The following CALN1 variants were observed in gnomAD, a reference collection of about 807,000 sequenced individuals.
CALN1 encodes the protein calneuron 1.
Under a neutral mutation model 30.6 loss-of-function variants are expected in CALN1, and 17 were observed. That is an observed-to-expected ratio of 0.56 (90% CI 0.38 to 0.83). The LOEUF is 0.83. CALN1 is among the 40% of genes least tolerant of loss of function. The probability of loss-of-function intolerance (pLI) is 0.00; values close to 1 mark genes in which losing one functional copy is unlikely to be tolerated. For missense variants in CALN1, 291 were observed against 354.9 expected, an observed-to-expected ratio of 0.82 and a Z score of 1.45; for synonymous variants, 156 against 131.4, an observed-to-expected ratio of 1.19 and a Z score of -1.28.
intron 4 of CALN1, among the ~76,000 whole-genome samples, chr7:72,064,372 G>A (rs376629683): frequency 8.5e-5 from 13 of 152,120 alleles, no homozygotes; most frequent in African/African-American, 2.9e-4. Context: ...CCCTCAAGGT[G>A]CAAGTGAACT....
chr7:72,072,268 G>C (rs1309649893), intron 4 of CALN1, among the ~76,000 whole-genome samples: 1 of 152,174 alleles, frequency 6.6e-6, no homozygotes, highest in East Asian at 1.9e-4. Flanking sequence ...AAAGTGGTGA[G>C]AGAGAAGCAT....
At chr7:71,884,540 G>C (rs576537635) in intron 5 of CALN1, among the ~76,000 whole-genome samples, 1 of 148,854 alleles carries the variant, frequency 6.7e-6, no homozygotes, top group African/African-American at 2.5e-5. Context: ...TCTCGGTGGT[G>C]GTGATGGTTT....
intron 5 of CALN1, among the ~76,000 whole-genome samples, chr7:71,817,547 G>A (rs367655132): frequency 3.3e-5 from 5 of 152,104 alleles, no homozygotes; most frequent in African/African-American, 4.8e-5. Context: ...ACGGAGTCTC[G>A]CTCTGTCGCC....
intron 4 of CALN1, among the ~76,000 whole-genome samples, chr7:72,066,212 T>A (rs1451884385): frequency 6.6e-6 from 1 of 152,238 alleles, no homozygotes. Context: ...TGTCAAGACC[T>A]TTTTGGATCT....
intron 3 of CALN1, among the ~76,000 whole-genome samples, chr7:72,137,293 T>A (rs953063964): frequency 1.3e-5 from 2 of 152,178 alleles, no homozygotes; most frequent in African/African-American, 4.8e-5. Context: ...GTTTTGGGGC[T>A]GGATTTAGGT....
At chr7:72,035,881 A>G (rs532929964) in intron 4 of CALN1, among the ~76,000 whole-genome samples, 1 of 152,310 alleles carries the variant, frequency 6.6e-6, no homozygotes, top group South Asian at 2.1e-4. Context: ...TTACAAACCA[A>G]TGTTACAATA....
chr7:71,984,449 G>C (rs1798559196), intron 5 of CALN1, among the ~76,000 whole-genome samples: 1 of 152,168 alleles, frequency 6.6e-6, no homozygotes, highest in Admixed American at 6.5e-5. Context: ...AACCAAAATA[G>C]CAAGAATGAT....
intron 3 of CALN1, among the ~76,000 whole-genome samples, chr7:72,158,619 C>T (rs1016098571): frequency 6.6e-6 from 1 of 152,098 alleles, no homozygotes; most frequent in African/African-American, 2.4e-5. Flanking sequence ...GGCTTTCCTT[C>T]CCCGTAAAGA....
At chr7:72,383,815 G>C (rs1188715963) in intron 2 of CALN1, among the ~76,000 whole-genome samples, 1 of 152,186 alleles carries the variant, frequency 6.6e-6, no homozygotes, top group Non-Finnish European at 1.5e-5. Context: ...GCATAGATGA[G>C]TTGGCCCTGT....
chr7:71,967,189 A>G (rs920371135), intron 5 of CALN1, among the ~76,000 whole-genome samples: 5 of 152,228 alleles, frequency 3.3e-5, no homozygotes, highest in African/African-American at 9.6e-5. Flanking sequence ...GATTTTTTAG[A>G]TAAGATGCAT....
chr7:72,404,290 T>G (rs758903978), intron 1 of CALN1, among the ~76,000 whole-genome samples: 20 of 152,186 alleles, frequency 1.3e-4, no homozygotes, highest in African/African-American at 1.9e-4. Context: ...AGAGCTCAGA[T>G]GCACACTGTG....
In CALN1 at chr7:71,798,117, CAGAGACAGAGAGAGAGAGAGAGAGAG is replaced by C. The variant is rs1787059043; in HGVS notation, c.659-10241_659-10216del. ...AGAGAGAGACAGAGAGAGACAGAGA[CAGAGACAGAGAGAGAGAGAGAGAGAG>C]AGAGAGAGAGAGAGAGAGAGAGAGA... On this transcript the variant is annotated intron_variant, in intron 6 of 6. Coordinates refer to ENST00000395275, the MANE Select transcript of CALN1 (RefSeq NM_031468.4). Among the ~76,000 whole-genome samples the C allele has an allele frequency of 1.4e-4, 9 of 62,310 alleles. No individual in the cohort carries two copies. In the East Asian group the frequency reaches 2.9e-3, roughly 20 times the overall value. 40.9% of individuals were successfully genotyped at this position (62,310 alleles called of 152,430 possible).
chr7:71,863,032 G>C (rs891927918), intron 5 of CALN1, among the ~76,000 whole-genome samples: 20 of 121,136 alleles, frequency 1.7e-4, no homozygotes, highest in Non-Finnish European at 2.6e-4. Flanking sequence ...GCCGAAATGA[G>C]TGGATCTACT....
At chr7:71,948,795 GT>G (rs1796539972) in intron 5 of CALN1, among the ~76,000 whole-genome samples, 1 of 151,116 alleles carries the variant, frequency 6.6e-6, no homozygotes, top group South Asian at 2.1e-4. Flanking sequence ...CAATCCCAAT[GT>G]TTTTGGAGGC....
intron 4 of CALN1, among the ~76,000 whole-genome samples, chr7:72,098,544 G>A (rs952497141): frequency 1.3e-5 from 2 of 151,750 alleles, no homozygotes; most frequent in African/African-American, 2.4e-5. Flanking sequence ...TCTCTGCAAA[G>A]AATAATAAAA....
At chr7:71,796,305 G>A (rs1204224360) in intron 6 of CALN1, among the ~76,000 whole-genome samples, 2 of 151,294 alleles carry the variant, frequency 1.3e-5, no homozygotes, top group African/African-American at 2.4e-5. Flanking sequence ...ATTCTCTTGG[G>A]TGCAAACCTA....
At chr7:72,120,043 A>G (rs1323985089) in intron 3 of CALN1, among the ~76,000 whole-genome samples, 1 of 152,156 alleles carries the variant, frequency 6.6e-6, no homozygotes, top group Admixed American at 6.6e-5. Flanking sequence ...TGGGGCAAGA[A>G]TGACGCTGTC....
At chr7:72,203,996 T>A (rs1791640583) in intron 3 of CALN1, among the ~76,000 whole-genome samples, 1 of 124,836 alleles carries the variant, frequency 8.0e-6, no homozygotes, top group South Asian at 2.8e-4. Flanking sequence ...TTTTTTTTTT[T>A]TTTTTTTTTT....
intron 5 of CALN1, among the ~76,000 whole-genome samples, chr7:71,921,904 T>C (rs571514098): frequency 2.0e-4 from 30 of 151,762 alleles, no homozygotes; most frequent in Admixed American, 1.7e-3. Flanking sequence ...TTCAAAAAGT[T>C]GTCCTTGACT....
Sources: gnomAD v4.1 joint callset for allele counts (sites outside exome capture counted in the v4.1 genomes callset) on GRCh38, gnomAD v4.1.1 for gene constraint, MANE v1.5 for transcripts, NCBI Gene and HGNC (gene_info 2026-07-23, HGNC 2026-07-21) for gene names.